HERC5: variants seen among roughly 807,000 people sequenced by gnomAD.
HERC5 encodes HECT and RLD domain containing E3 ubiquitin protein ligase 5, also known as E3 ISG15--protein ligase HERC5.
HERC5 carries 99 observed loss-of-function variants against 119.6 expected under a neutral mutation model. That is an observed-to-expected ratio of 0.83 (90% CI 0.70 to 0.98). The LOEUF (loss-of-function observed/expected upper bound fraction) is 0.98, where lower values mean the gene tolerates loss of function less well. HERC5 is among the 50% of genes least tolerant of loss of function. The pLI, the probability that HERC5 is intolerant of heterozygous loss-of-function variation, is 0.00. For missense variants in HERC5, 1,267 were observed against 1,241.3 expected (o/e 1.02, Z -0.31); for synonymous variants, 478 against 445.9 (o/e 1.07, Z -0.91).
chr4:88,494,359 AC>A, intron 18 of HERC5, 28 bp downstream of exon 18: 9 of 1,571,232 alleles, frequency 5.7e-6, no homozygotes, highest in Non-Finnish European at 7.8e-6. Context: ...CTGAGAAAGG[AC>A]CCTTTCTAAC....
intron 12 of HERC5, among the ~76,000 whole-genome samples, chr4:88,478,907 T>C (rs1272030867): frequency 2.0e-5 from 3 of 152,116 alleles, no homozygotes; most frequent in Non-Finnish European, 4.4e-5. Flanking sequence ...CCACCATGCC[T>C]GGCCTACCAA....
In HERC5 at chr4:88,494,241, A is replaced by G; in HGVS notation, c.2354A>G (p.Asn785Ser). 2 of 1,613,254 alleles carry G rather than the reference A, an allele frequency of 1.2e-6. No homozygotes were observed. Among genetic ancestry groups the G allele is most frequent in the Non-Finnish European group, 1.7e-6 (2 of 1,179,386 alleles). ...GLSLFNCNVA[N>S]LPFPLALFKK... Reference sequence around the variant, plus strand: ...TCCCTGTTCAATTGCAATGTTGCCAACCTTCCTTTCCCACTGGCACTGTTT... The same window carrying G: ...TCCCTGTTCAATTGCAATGTTGCCAGCCTTCCTTTCCCACTGGCACTGTTT... Residue 785 changes from asparagine to serine, a missense_variant, in exon 18 of 23, where the codon AAC becomes AGC. By Grantham distance (46) the Asn-to-Ser change is conservative (BLOSUM62 1). Around this residue, in one of 3 missense-constraint regions of HERC5, gnomAD observed 473 missense variants for 445.7 expected, o/e 1.06. Coordinates refer to ENST00000264350, the MANE Select transcript of HERC5 (RefSeq NM_016323.4).
rs560508660 is a variant in HERC5, at chr4:88,458,523, C to T, written c.266-824C>T. ...TCCCAATACCATTTCTTAATACTTCCTTTTTTTCAACTGATTTGAAATGCT... is the reference window on the plus strand; with the variant it reads ...TCCCAATACCATTTCTTAATACTTCTTTTTTTTCAACTGATTTGAAATGCT... On this transcript the variant is annotated intron_variant, in intron 1 of 22. Coordinates refer to ENST00000264350, the MANE Select transcript of HERC5 (RefSeq NM_016323.4). Among the ~76,000 whole-genome samples, 6 of 152,094 alleles carry T rather than the reference C, an allele frequency of 3.9e-5. No individual in the cohort carries two copies. The East Asian group carries it at 7.7e-4, about 20-fold the overall frequency.
At chr4:88,480,663 G>C (rs1560607185) in intron 13 of HERC5, among the ~76,000 whole-genome samples, 2 of 152,096 alleles carry the variant, frequency 1.3e-5, no homozygotes, top group African/African-American at 2.4e-5. Flanking sequence ...CAGATGATGA[G>C]AATTCCCATT....
In HERC5 at chr4:88,500,968, T is replaced by C. The variant is rs370560085; in HGVS notation, c.2565T>C (p.Thr855=). ...TAATTCCTAATGGAAGTAGCATAACTGTCAACCAGACTAACAAGTAGGTAC... is the reference window on the plus strand; with the variant it reads ...TAATTCCTAATGGAAGTAGCATAACCGTCAACCAGACTAACAAGTAGGTAC... ...TNLIPNGSSI[T]VNQTNKRDYV... Residue 855 remains threonine (T), a synonymous_variant, in exon 20 of 23, where the codon ACT becomes ACC. Coordinates refer to ENST00000264350, the MANE Select transcript of HERC5 (RefSeq NM_016323.4). 1.2e-6 allele frequency: 2 copies of C among 1,611,006 alleles called. No individual in the cohort carries two copies. Among genetic ancestry groups the C allele is most frequent in the Non-Finnish European group, 1.7e-6 (2 of 1,178,812 alleles).
At chr4:88,479,204 G>A (rs751171705) in intron 12 of HERC5, 149 bp from the exon 13 acceptor site, 1 of 469,126 alleles carries the variant, frequency 2.1e-6, no homozygotes, top group Non-Finnish European at 3.6e-6. Flanking sequence ...AGAATTGCTT[G>A]AACCTGGGAG....
At chr4:88,476,157 C>T in intron 12 of HERC5, 127 bp downstream of exon 12, 1 of 669,674 alleles carries the variant, frequency 1.5e-6, no homozygotes, top group Non-Finnish European at 2.5e-6. Flanking sequence ...TGTTAGCATA[C>T]TCTAAAGGTA....
At chr4:88,494,103 T>G in intron 17 of HERC5, 62 bp from the exon 18 acceptor site, 2 of 1,006,124 alleles carry the variant, frequency 2.0e-6, no homozygotes, top group East Asian at 5.4e-5. Context: ...TTATTTAATA[T>G]AAATATTTCA....
At chr4:88,466,940 TA>T in intron 6 of HERC5, 118 bp from the exon 7 acceptor site, 1 of 1,000,354 alleles carries the variant, frequency 1.0e-6, no homozygotes, top group Non-Finnish European at 1.5e-6. Flanking sequence ...TTTCATCCTC[TA>T]AGAGATGTTT....
intron 7 of HERC5, chr4:88,467,806 A>G (rs766060643): frequency 2.1e-4 from 157 of 753,254 alleles, no homozygotes; most frequent in Non-Finnish European, 2.3e-4. Context: ...CTGAGCTCTG[A>G]AACACTCCAT....
intron 13 of HERC5, among the ~76,000 whole-genome samples, chr4:88,485,472 A>T (rs1176981657): frequency 6.6e-6 from 1 of 152,216 alleles, no homozygotes; most frequent in Non-Finnish European, 1.5e-5. Context: ...GACGAGAGTC[A>T]ATAAGAACAT....
rs1329284686 is a variant in HERC5 at position 88,466,193 on chromosome 4, C to T, written c.912-866C>T. 4.6e-5 allele frequency among the ~76,000 whole-genome samples: 7 copies of T among 151,614 alleles called. No individual in the cohort carries two copies. In the East Asian group the frequency reaches 1.4e-3, roughly 30 times the overall value. ...CCTTGACCTCCCAGGCTCAAGCAAT[C>T]CTCCTGCCTCAGCCTCCTGAGTAGC... On this transcript the variant is annotated intron_variant, in intron 6 of 22. Coordinates refer to ENST00000264350, the MANE Select transcript of HERC5 (RefSeq NM_016323.4).
chr4:88,501,865 C>T (rs971678689), intron 20 of HERC5, among the ~76,000 whole-genome samples: 2 of 152,146 alleles, frequency 1.3e-5, no homozygotes, highest in Non-Finnish European at 2.9e-5. Context: ...GTGGCGCAAT[C>T]TTGGCTCACT....
chr4:88,475,856 A>G lies in HERC5; in HGVS notation c.1408A>G (p.Lys470Glu). The G allele has an allele frequency of 2.5e-6, 4 of 1,613,982 alleles. No homozygotes were observed. Among genetic ancestry groups the G allele is most frequent in the Non-Finnish European group, 3.4e-6 (4 of 1,179,974 alleles). ...CTGACCACAGATAACCACCTGCCTC[A>G]AAGATAATCTGCTCAAAAGACTTCC... ...WITNMITTCL[K>E]DNLLKRLPFH... The change falls in exon 12 of 23, where the codon AAA (lysine) becomes GAA (glutamate). Residue 470 changes from lysine to glutamate, a missense_variant. Coordinates refer to ENST00000264350, the MANE Select transcript of HERC5 (RefSeq NM_016323.4).
chr4:88,490,135 G>A (rs946564629), intron 16 of HERC5, among the ~76,000 whole-genome samples: 3 of 152,086 alleles, frequency 2.0e-5, no homozygotes, highest in Non-Finnish European at 4.4e-5. Flanking sequence ...CTGATTTTTT[G>A]TTTAATTACC....
intron 18 of HERC5, among the ~76,000 whole-genome samples, chr4:88,499,462 G>T (rs984005543): frequency 2.0e-5 from 3 of 152,148 alleles, no homozygotes; most frequent in Non-Finnish European, 4.4e-5. Context: ...CTAATTTCAG[G>T]TGTTTCTTAA....
At chr4:88,482,901 G>A (rs565059390) in intron 13 of HERC5, among the ~76,000 whole-genome samples, 3 of 152,054 alleles carry the variant, frequency 2.0e-5, no homozygotes, top group African/African-American at 7.2e-5. Context: ...AAAGTGCTGG[G>A]ATTACAGGTG....
intron 5 of HERC5, 43 bp from the exon 6 acceptor site, chr4:88,463,812 A>T (rs1007705725): frequency 5.0e-6 from 8 of 1,602,926 alleles, no homozygotes; most frequent in African/African-American, 2.7e-5. Flanking sequence ...CTACTTTTTT[A>T]TTTTATTTTT....
intron 16 of HERC5, among the ~76,000 whole-genome samples, chr4:88,491,021 C>T (rs1027124831): frequency 6.6e-6 from 1 of 152,104 alleles, no homozygotes; most frequent in East Asian, 1.9e-4. Flanking sequence ...ATTCAGGTAA[C>T]ACTCAGCATT....
Sources: gnomAD v4.1 joint callset for allele counts (sites outside exome capture counted in the v4.1 genomes callset) on GRCh38, gnomAD v4.1.1 for gene constraint, gnomAD v4.1.1 regional missense constraint, MANE v1.5 for transcripts, NCBI Gene and HGNC (gene_info 2026-07-23, HGNC 2026-07-21) for gene names.